RFX3: variants seen among roughly 807,000 people sequenced by gnomAD.
RFX3 encodes the protein regulatory factor X3, also known as transcription factor RFX3.
Under a neutral mutation model 98.6 loss-of-function variants are expected in RFX3, and 14 were observed. The ratio of observed to expected loss-of-function variants is 0.14; its 90% CI spans 0.09 to 0.22. RFX3 has a LOEUF of 0.22. Among genes scored for constraint, RFX3 ranks in the 10% least tolerant of loss-of-function variants. The pLI is 1.00. For missense variants in RFX3, 639 were observed against 926.9 expected (o/e 0.69, Z 4.03); for synonymous variants, 383 against 328.4 (o/e 1.17, Z -1.80).
chr9:3,407,383 T>C (rs1842063995), intron 1 of RFX3, among the ~76,000 whole-genome samples: 1 of 152,136 alleles, frequency 6.6e-6, no homozygotes, highest in African/African-American at 2.4e-5. Flanking sequence ...CCATTTATTA[T>C]GGATGAGAAA....
At chr9:3,239,898 G>C (rs1178600040) in intron 15 of RFX3, among the ~76,000 whole-genome samples, 1 of 152,184 alleles carries the variant, frequency 6.6e-6, no homozygotes, top group Non-Finnish European at 1.5e-5. Flanking sequence ...CCGTGGCTCT[G>C]AGTTCCCTTC....
chr9:3,497,519 G>A (rs1278892309), intron 1 of RFX3, among the ~76,000 whole-genome samples: 1 of 151,898 alleles, frequency 6.6e-6, no homozygotes, highest in African/African-American at 2.4e-5. Flanking sequence ...GCAGGAAAAA[G>A]ATTTTTTGGT....
chr9:3,422,114 C>A (rs1267433818), intron 1 of RFX3, among the ~76,000 whole-genome samples: 1 of 152,136 alleles, frequency 6.6e-6, no homozygotes, highest in African/African-American at 2.4e-5. Flanking sequence ...ACTAGTATGA[C>A]AAGAGGCTGG....
intron 1 of RFX3, among the ~76,000 whole-genome samples, chr9:3,474,113 G>T (rs1849013026): frequency 6.6e-6 from 1 of 152,096 alleles, no homozygotes; most frequent in African/African-American, 2.4e-5. Context: ...CCACTGCTCT[G>T]CAAGTGTCTC....
intron 1 of RFX3, among the ~76,000 whole-genome samples, chr9:3,404,938 T>C (rs1841822642): frequency 1.3e-5 from 2 of 152,196 alleles, no homozygotes; most frequent in African/African-American, 4.8e-5. Flanking sequence ...CACTTTGTTA[T>C]TTAGTTTCTG....
At chr9:3,467,421 T>A (rs1166631156) in intron 1 of RFX3, among the ~76,000 whole-genome samples, 1 of 151,154 alleles carries the variant, frequency 6.6e-6, no homozygotes, top group Admixed American at 6.6e-5. Context: ...AAAAGACTAA[T>A]CTCTATATCA....
chr9:3,503,061 T>C (rs1816218185), intron 1 of RFX3, among the ~76,000 whole-genome samples: 1 of 152,198 alleles, frequency 6.6e-6, no homozygotes, highest in Non-Finnish European at 1.5e-5. Flanking sequence ...TATCTTTTCA[T>C]AAACACAACG....
intron 1 of RFX3, among the ~76,000 whole-genome samples, chr9:3,407,591 A>G (rs1394509271): frequency 2.6e-5 from 4 of 152,160 alleles, no homozygotes; most frequent in African/African-American, 7.2e-5. Context: ...CATATGCAGT[A>G]TTAGGCTAAT....
At chr9:3,507,714 A>G (rs957970034) in intron 1 of RFX3, among the ~76,000 whole-genome samples, 1 of 151,982 alleles carries the variant, frequency 6.6e-6, no homozygotes, top group Non-Finnish European at 1.5e-5. Flanking sequence ...TATACTTTAA[A>G]TCATCTCTAG....
chr9:3,439,430 C>A (rs549467828), intron 1 of RFX3, among the ~76,000 whole-genome samples: 19 of 151,970 alleles, frequency 1.3e-4, no homozygotes, highest in Non-Finnish European at 2.5e-4. Flanking sequence ...ACAGACTGAT[C>A]TGAAATTAAA....
chr9:3,297,179 T>C (rs557522586), intron 5 of RFX3, among the ~76,000 whole-genome samples: 2 of 152,172 alleles, frequency 1.3e-5, no homozygotes, highest in East Asian at 3.9e-4. Context: ...ACATTAGTAT[T>C]CCCCAATCTT....
intron 9 of RFX3, among the ~76,000 whole-genome samples, chr9:3,272,382 G>A (rs1824611268): frequency 6.6e-6 from 1 of 152,166 alleles, no homozygotes; most frequent in South Asian, 2.1e-4. Flanking sequence ...TATTTGTTGA[G>A]TTTGGGCCAC....
chr9:3,287,653 T>C (rs770252482), intron 7 of RFX3, among the ~76,000 whole-genome samples: 3 of 151,966 alleles, frequency 2.0e-5, no homozygotes, highest in Non-Finnish European at 4.4e-5. Flanking sequence ...CATCCATTCA[T>C]GAATGCTTGA....
chr9:3,270,118 G>C (rs1824223359), intron 11 of RFX3, among the ~76,000 whole-genome samples: 1 of 143,652 alleles, frequency 7.0e-6, no homozygotes, highest in African/African-American at 2.5e-5. Context: ...AAGAAAGAAA[G>C]AAAGAAAGGA....
intron 16 of RFX3, among the ~76,000 whole-genome samples, chr9:3,226,934 T>G (rs773159803): frequency 5.3e-5 from 8 of 152,174 alleles, no homozygotes; most frequent in Non-Finnish European, 1.0e-4. Flanking sequence ...CAAATATCCC[T>G]TATATTATCA....
At chr9:3,489,648 G>GT (rs1267471745) in intron 1 of RFX3, among the ~76,000 whole-genome samples, 1 of 151,952 alleles carries the variant, frequency 6.6e-6, no homozygotes, top group Non-Finnish European at 1.5e-5. Flanking sequence ...TTAATGTTTA[G>GT]TCTATGAAAC....
chr9:3,270,081 GGAAAGAAAGAAAGAAAGAAA>G (rs57222273), intron 11 of RFX3, among the ~76,000 whole-genome samples: 105,889 of 137,790 alleles, frequency 0.77, 41,846 homozygotes, highest in East Asian at 0.9. Flanking sequence ...AGAGAAAGAA[GGAAAGAAAGAAAGAAAGAAA>G]GAAAGAAAGA....
chr9:3,494,393 C>G (rs377186200), intron 1 of RFX3, among the ~76,000 whole-genome samples: 2 of 151,766 alleles, frequency 1.3e-5, no homozygotes, highest in Non-Finnish European at 2.9e-5. Flanking sequence ...ATGTTTAAAA[C>G]CAACATTCCA....
At chr9:3,446,443 CAGG>C (rs1007961081) in intron 1 of RFX3, among the ~76,000 whole-genome samples, 5 of 151,620 alleles carry the variant, frequency 3.3e-5, no homozygotes, top group African/African-American at 4.8e-5. Context: ...GGTTGGAAAC[CAGG>C]AGATCTGTGA....
Sources: gnomAD v4.1 joint callset for allele counts (sites outside exome capture counted in the v4.1 genomes callset) on GRCh38, gnomAD v4.1.1 for gene constraint, MANE v1.5 for transcripts, NCBI Gene and HGNC (gene_info 2026-07-23, HGNC 2026-07-21) for gene names.